AP3M2: variants seen among roughly 807,000 people sequenced by gnomAD.
AP3M2 encodes adaptor related protein complex 3 subunit mu 2.
In AP3M2, 28 loss-of-function variants were observed where a neutral mutation model predicts 41.6. That is an observed-to-expected ratio of 0.67 (90% confidence interval 0.50 to 0.92). The LOEUF (loss-of-function observed/expected upper bound fraction) is 0.92. AP3M2 is among the 40% of genes least tolerant of loss of function. The pLI is 0.00. For missense variants in AP3M2, 427 were observed against 521.4 expected, an observed-to-expected ratio of 0.82 and a Z score of 1.76; for synonymous variants, 193 against 186.4, an observed-to-expected ratio of 1.04 and a Z score of -0.29.
chr8:42,167,008 A>G, intron 6 of AP3M2, 156 bp from the exon 7 acceptor site: 2 of 640,096 alleles, frequency 3.1e-6, no homozygotes, highest in East Asian at 2.7e-5. Context: ...AAATTAGATT[A>G]CTGGGGTTTT....
At chr8:42,157,272 A>G (rs967255998) in intron 2 of AP3M2, among the ~76,000 whole-genome samples, 2 of 152,256 alleles carry the variant, frequency 1.3e-5, no homozygotes, top group African/African-American at 2.4e-5. Flanking sequence ...TGATTATACC[A>G]TTAAAGAATC....
chr8:42,155,072 G>A (rs1804321782), intron 2 of AP3M2, 112 bp downstream of exon 2: 2 of 887,288 alleles, frequency 2.3e-6, no homozygotes, highest in Non-Finnish European at 3.5e-6. Flanking sequence ...TCAAAACTCT[G>A]GTATTACTCA....
intron 2 of AP3M2, among the ~76,000 whole-genome samples, chr8:42,157,290 AAATT>A (rs1804380082): frequency 1.3e-5 from 2 of 152,366 alleles, no homozygotes; most frequent in South Asian, 2.1e-4. Flanking sequence ...ATCAAGATCA[AAATT>A]AATTAACATG....
chr8:42,162,219 AGGTG>A (rs1564117485), intron 3 of AP3M2, 58 bp from the exon 4 acceptor site: 20 of 1,489,540 alleles, frequency 1.3e-5, no homozygotes, highest in Admixed American at 2.2e-5. Context: ...ACTTCTAGGG[AGGTG>A]TTCTGTGGTT....
intron 2 of AP3M2, among the ~76,000 whole-genome samples, chr8:42,156,633 A>T (rs1293687752): frequency 6.6e-6 from 1 of 152,094 alleles, no homozygotes; most frequent in African/African-American, 2.4e-5. Context: ...CAAAATGAGA[A>T]TTTTCCTCTT....
chr8:42,164,898 G>A (rs924312599), intron 4 of AP3M2, among the ~76,000 whole-genome samples, 173 bp from the exon 5 acceptor site: 1 of 151,984 alleles, frequency 6.6e-6, no homozygotes, highest in Non-Finnish European at 1.5e-5. Flanking sequence ...TAGATGGATT[G>A]TATAAATGAA....
In AP3M2 at chr8:42,165,095, A is replaced by C; in HGVS notation, c.608A>C (p.Gln203Pro). 6.2e-7 allele frequency: 1 copy of C among 1,614,008 alleles called. No homozygotes were observed. The highest frequency in any genetic ancestry group is 8.5e-7 in the Non-Finnish European group (1 of 1,179,984). ...GGCTCCACAATTACTGCTGAGATCCAGGGGGTGATTGATGCCTGTGTCAAG... is the reference window on the plus strand; with the variant it reads ...GGCTCCACAATTACTGCTGAGATCCCGGGGGTGATTGATGCCTGTGTCAAG... ...KSGSTITAEI[Q>P]GVIDACVKLT... The change falls in exon 5 of 9, where the codon CAG becomes CCG. Residue 203 changes from glutamine to proline, a missense_variant. Physicochemically the swap from Gln to Pro is moderately conservative, Grantham distance 76. Around this residue, in one of 3 missense-constraint regions of AP3M2, gnomAD observed 237 missense variants for 284.9 expected, o/e 0.83. Transcript: ENST00000396926.
At chr8:42,153,437 G>C (rs1216370218) in intron 1 of AP3M2, 2 of 152,336 alleles carry the variant, frequency 1.3e-5, no homozygotes, top group African/African-American at 4.8e-5. Flanking sequence ...CTCTGGGCCG[G>C]GGCCTGCGCA....
Position 42,169,692 on chromosome 8 carries a change from T to A in AP3M2, c.*631T>A, listed in dbSNP as rs571361438. 6.6e-6 allele frequency: 1 copy of A among 152,348 alleles called. No homozygotes were observed. The highest frequency in any genetic ancestry group is 6.5e-5 in the Admixed American group (1 of 15,306). The allele number at this position is 152,348 out of a possible 1,614,324, so 9.4% of individuals were successfully genotyped here. A position where few individuals can be genotyped will look rare whatever the true frequency, so the allele number is the denominator to read the frequency against. The stretch of plus-strand genomic sequence containing the variant: ...TTCTGGAAATGGACTGGAGACTTTT[T>A]AAATTTGAGTCCACTATTGACATGG... On this transcript the variant is annotated 3_prime_UTR_variant, in exon 9 of 9. Transcript: ENST00000396926.
chr8:42,167,929 G>A, intron 8 of AP3M2, 119 bp downstream of exon 8: 10 of 1,247,988 alleles, frequency 8.0e-6, no homozygotes, highest in Middle Eastern at 2.3e-4. Flanking sequence ...TTCATTACCT[G>A]ATAAACAATC....
intron 4 of AP3M2, among the ~76,000 whole-genome samples, chr8:42,163,305 G>GA (rs1034111648): frequency 6.6e-6 from 1 of 151,932 alleles, no homozygotes; most frequent in Non-Finnish European, 1.5e-5. Context: ...TTTAACTAAA[G>GA]AAAAAAAATT....
Position 42,169,567 on chromosome 8 carries a change from G to C in AP3M2, c.*506G>C, listed in dbSNP as rs1467424467. 2.6e-5 allele frequency: 4 copies of C among 152,304 alleles called. No individual in the cohort carries two copies. Among genetic ancestry groups the C allele is most frequent in the African/African-American group, 9.6e-5 (4 of 41,452 alleles). The allele number at this position is 152,304 out of a possible 1,614,324, so 9.4% of individuals were successfully genotyped here. On this transcript the variant is annotated 3_prime_UTR_variant, in exon 9 of 9. Transcript: ENST00000396926. ...GAGGAGACACTTAAATGAAAGATTG[G>C]CAAGAAAAGCAGTCGGACTCTACCT...
rs1804772557 is a variant in AP3M2 at position 42,170,573 on chromosome 8, C to G, written c.*1512C>G. 1 of 152,258 alleles carries G rather than the reference C, an allele frequency of 6.6e-6. No individual in the cohort carries two copies. Among genetic ancestry groups the G allele is most frequent in the Non-Finnish European group, 1.5e-5 (1 of 68,042 alleles). 9.4% of individuals were successfully genotyped at this position (152,258 alleles called of 1,614,324 possible). On this transcript the variant is annotated 3_prime_UTR_variant, in exon 9 of 9. Coordinates refer to ENST00000396926, the MANE Select transcript of AP3M2 (RefSeq NM_006803.4). ...AAGGAAGACCCGTACTCTCCACACC[C>G]TAGAGCTTTTCTCTAAATATTGTGC...
chr8:42,160,116 C>T (rs1449220179), intron 3 of AP3M2, among the ~76,000 whole-genome samples: 1 of 152,188 alleles, frequency 6.6e-6, no homozygotes, highest in Non-Finnish European at 1.5e-5. Flanking sequence ...TGACATGACA[C>T]TCAAAGGAAA....
At chr8:42,162,500 C>T in intron 4 of AP3M2, 82 bp downstream of exon 4, 5 of 1,483,750 alleles carry the variant, frequency 3.4e-6, no homozygotes, top group Non-Finnish European at 4.5e-6. Flanking sequence ...TCAGAATTAA[C>T]CCCCATTCAA....
chr8:42,161,937 A>G (rs887848322), intron 3 of AP3M2: 8 of 165,476 alleles, frequency 4.8e-5, no homozygotes, highest in Admixed American at 1.3e-4. Context: ...AAATTTTTAT[A>G]TCAATATGTA....
At chr8:42,158,219 TC>T (rs1804410343) in intron 3 of AP3M2, 107 bp downstream of exon 3, 2 of 1,152,194 alleles carry the variant, frequency 1.7e-6, no homozygotes, top group Non-Finnish European at 2.4e-6. Context: ...ATCTCAGGTG[TC>T]CCAGTGCTTT....
At chr8:42,165,612 G>A in intron 6 of AP3M2, 52 bp downstream of exon 6, 2 of 1,599,148 alleles carry the variant, frequency 1.3e-6, no homozygotes, top group Non-Finnish European at 8.5e-7. Context: ...CATGTATGTG[G>A]AAACCGTATC....
chr8:42,168,875 T>C (rs7016041), intron 8 of AP3M2, 86 bp from the exon 9 acceptor site: 408,888 of 952,316 alleles, frequency 0.43, 89,548 homozygotes, highest in African/African-American at 0.6. Flanking sequence ...TCCCACTGAC[T>C]TCAGTGTATT....
Sources: gnomAD v4.1 joint callset for allele counts (sites outside exome capture counted in the v4.1 genomes callset) on GRCh38, gnomAD v4.1.1 for gene constraint, gnomAD v4.1.1 regional missense constraint, MANE v1.5 for transcripts, NCBI Gene and HGNC (gene_info 2026-07-23, HGNC 2026-07-21) for gene names.